NCKAP5: variants seen among roughly 807,000 people sequenced by gnomAD.
NCKAP5 encodes nck-associated protein 5.
NCKAP5 carries 92 observed loss-of-function variants against 167.0 expected under a neutral mutation model. That is an observed-to-expected ratio of 0.55 (90% CI 0.47 to 0.66). The LOEUF (loss-of-function observed/expected upper bound fraction) is 0.66. Among genes scored for constraint, NCKAP5 ranks in the 30% least tolerant of loss-of-function variants. The probability of loss-of-function intolerance (pLI) is 0.00; values close to 1 mark genes in which losing one functional copy is unlikely to be tolerated. For missense variants in NCKAP5, 2,378 were observed against 2,315.0 expected, an observed-to-expected ratio of 1.03 and a Z score of -0.56; for synonymous variants, 891 against 877.4, an observed-to-expected ratio of 1.02 and a Z score of -0.27.
intron 6 of NCKAP5, among the ~76,000 whole-genome samples, chr2:133,019,543 A>G (rs1407473240): frequency 6.6e-6 from 1 of 152,204 alleles, no homozygotes; most frequent in Non-Finnish European, 1.5e-5. Context: ...ACAGTCCTTC[A>G]CATATTTATC....
At chr2:133,079,391 T>C (rs1347348081) in intron 6 of NCKAP5, among the ~76,000 whole-genome samples, 1 of 152,198 alleles carries the variant, frequency 6.6e-6, no homozygotes, top group African/African-American at 2.4e-5. Flanking sequence ...CTCTATGCAA[T>C]ATACTGGTTG....
intron 6 of NCKAP5, among the ~76,000 whole-genome samples, chr2:133,100,570 C>T (rs1314620508): frequency 1.3e-5 from 2 of 152,006 alleles, no homozygotes; most frequent in Non-Finnish European, 2.9e-5. Context: ...ACTATGGGCA[C>T]TCAAATCAAA....
At chr2:132,965,506 A>G (rs994835066) in intron 7 of NCKAP5, among the ~76,000 whole-genome samples, 15 of 152,090 alleles carry the variant, frequency 9.9e-5, no homozygotes, top group African/African-American at 3.4e-4. Flanking sequence ...AATTATCTTC[A>G]TTTTACTTTT....
chr2:132,754,463 A>G (rs1680371656), intron 16 of NCKAP5, among the ~76,000 whole-genome samples: 1 of 152,206 alleles, frequency 6.6e-6, no homozygotes, highest in Non-Finnish European at 1.5e-5. Flanking sequence ...TGTCATTACC[A>G]TACCTCATTT....
chr2:133,259,118 G>A (rs1040837618), intron 4 of NCKAP5, among the ~76,000 whole-genome samples: 12 of 152,136 alleles, frequency 7.9e-5, no homozygotes, highest in African/African-American at 2.7e-4. Flanking sequence ...CTGCGGGGTA[G>A]AGTGCTCTCC....
At chr2:133,560,037 C>T (rs770682355) in intron 1 of NCKAP5, among the ~76,000 whole-genome samples, 2 of 152,172 alleles carry the variant, frequency 1.3e-5, no homozygotes, top group Non-Finnish European at 1.5e-5. Flanking sequence ...TGGACAAATG[C>T]CATGAATACT....
chr2:133,265,555 A>G lies in NCKAP5; in HGVS notation c.143+37482T>C, dbSNP rs1282093573. Reference sequence around the variant, plus strand: ...CAGCATTAAGCCAGTTTGGGGGCTGAGCTTTAGGCACAGGCAGTTGCCAGT... The same window carrying G: ...CAGCATTAAGCCAGTTTGGGGGCTGGGCTTTAGGCACAGGCAGTTGCCAGT... On this transcript the variant is annotated intron_variant, in intron 4 of 19. Coordinates refer to ENST00000409261, the MANE Select transcript of NCKAP5 (RefSeq NM_207363.3). Among the ~76,000 whole-genome samples, 4 of 152,148 alleles carry G rather than the reference A, an allele frequency of 2.6e-5. No homozygotes were observed. In the South Asian group the frequency reaches 6.2e-4, roughly 24 times the overall value.
At chr2:133,253,378 C>T (rs1009804909) in intron 4 of NCKAP5, among the ~76,000 whole-genome samples, 1 of 152,172 alleles carries the variant, frequency 6.6e-6, no homozygotes, top group African/African-American at 2.4e-5. Flanking sequence ...ATTGTTCTTC[C>T]TTATTTCATG....
intron 19 of NCKAP5, among the ~76,000 whole-genome samples, chr2:132,709,977 T>C (rs1231602427): frequency 6.6e-6 from 1 of 152,158 alleles, no homozygotes; most frequent in African/African-American, 2.4e-5. Context: ...ACAGAAATCT[T>C]AAATATGACA....
chr2:132,804,047 CTTGAAG>C (rs1685240364), intron 11 of NCKAP5, among the ~76,000 whole-genome samples: 3 of 151,892 alleles, frequency 2.0e-5, no homozygotes, highest in Non-Finnish European at 4.4e-5. Context: ...TCCCAAATCT[CTTGAAG>C]TCTTTACAAA....
chr2:133,266,882 C>G (rs967777920), intron 4 of NCKAP5, among the ~76,000 whole-genome samples: 8 of 152,156 alleles, frequency 5.3e-5, no homozygotes, highest in African/African-American at 1.9e-4. Flanking sequence ...GCCCGGCGGG[C>G]GGCTCGGCTT....
intron 16 of NCKAP5, among the ~76,000 whole-genome samples, chr2:132,739,102 A>G (rs1047320871): frequency 2.0e-5 from 3 of 152,232 alleles, no homozygotes; most frequent in African/African-American, 7.2e-5. Flanking sequence ...GTTGATTTCC[A>G]GCACTATTTC....
rs2084094462 is a variant in NCKAP5, at chr2:133,168,384, T to TG, written c.208-38274dup. Among the ~76,000 whole-genome samples the TG allele has an allele frequency of 2.0e-5, 3 of 151,854 alleles. No homozygotes were observed. The South Asian group carries it at 6.2e-4, about 32-fold the overall frequency. ...AGCCCCCAACCAACACTTTCCCTAA[T>TG]GGACTATTCCCTGCTCATTCCTGAC... On this transcript the variant is annotated intron_variant, in intron 5 of 19. Coordinates refer to ENST00000409261, the MANE Select transcript of NCKAP5 (RefSeq NM_207363.3).
chr2:133,158,312 C>A (rs1160508851), intron 5 of NCKAP5, among the ~76,000 whole-genome samples: 1 of 152,134 alleles, frequency 6.6e-6, no homozygotes, highest in Non-Finnish European at 1.5e-5. Context: ...CTGCTGCCTG[C>A]AGATAATTTT....
At chr2:133,251,993 TA>T (rs2088365877) in intron 4 of NCKAP5, among the ~76,000 whole-genome samples, 1 of 152,162 alleles carries the variant, frequency 6.6e-6, no homozygotes, top group Non-Finnish European at 1.5e-5. Flanking sequence ...CATAACCCAC[TA>T]AAATTTTAAT....
the NCKAP5 span, among the ~76,000 whole-genome samples, chr2:133,628,585 T>C: frequency 1.3e-5 from 2 of 152,174 alleles, no homozygotes; most frequent in African/African-American, 2.4e-5. Context: ...ATAAATTCAA[T>C]GGTATTTCCA....
At chr2:133,107,540 TA>T (rs2081751544) in intron 6 of NCKAP5, among the ~76,000 whole-genome samples, 1 of 152,170 alleles carries the variant, frequency 6.6e-6, no homozygotes, top group African/African-American at 2.4e-5. Context: ...TAGAACTTTG[TA>T]AAATAGCAGT....
chr2:132,833,670 G>A (rs943098309), intron 11 of NCKAP5, among the ~76,000 whole-genome samples: 6 of 152,130 alleles, frequency 3.9e-5, no homozygotes, highest in Non-Finnish European at 7.4e-5. Context: ...TCTGTTGGCT[G>A]TAAATAATGT....
chr2:132,753,848 C>A (rs1465015783), intron 16 of NCKAP5, among the ~76,000 whole-genome samples: 2 of 152,190 alleles, frequency 1.3e-5, no homozygotes. Flanking sequence ...CGGGGCTTTA[C>A]TACTTGAGCA....
Sources: gnomAD v4.1 joint callset for allele counts (sites outside exome capture counted in the v4.1 genomes callset) on GRCh38, gnomAD v4.1.1 for gene constraint, MANE v1.5 for transcripts, NCBI Gene and HGNC (gene_info 2026-07-23, HGNC 2026-07-21) for gene names.